Variants in BBX observed in about 807,000 individuals in gnomAD.
BBX encodes BBX high mobility group box domain containing.
BBX carries 30 observed loss-of-function variants against 100.2 expected under a neutral mutation model. That is an observed-to-expected ratio of 0.30 (90% CI 0.22 to 0.41). The LOEUF is 0.41. Among genes scored for constraint, BBX ranks in the 10% least tolerant of loss-of-function variants. The pLI is 1.00. For synonymous variants in BBX, 376 were observed against 388.1 expected (o/e 0.97, Z 0.37); for missense variants, 1,023 against 1,129.8 (o/e 0.91, Z 1.35).
chr3:107,630,976 C>A (rs987125456), intron 2 of BBX, among the ~76,000 whole-genome samples: 1 of 152,182 alleles, frequency 6.6e-6, no homozygotes, highest in Non-Finnish European at 1.5e-5. Flanking sequence ...TTGAGGAGGA[C>A]CCTGGGTGAC....
intron 9 of BBX, among the ~76,000 whole-genome samples, chr3:107,749,951 A>G (rs964687600): frequency 6.6e-6 from 1 of 151,990 alleles, no homozygotes; most frequent in Non-Finnish European, 1.5e-5. Flanking sequence ...TTATTTTAGC[A>G]CCACTATCAT....
Position 107,786,095 on chromosome 3 carries a change from G to A in BBX, c.2204-3692G>A, listed in dbSNP as rs143499010. Among the ~76,000 whole-genome samples the A allele has an allele frequency of 3.9e-3, 593 of 152,126 alleles. 3 individuals carry two copies. Among genetic ancestry groups the A allele is most frequent in the Admixed American group, 9.9e-3 (152 of 15,282 alleles). On this transcript the variant is annotated intron_variant, in intron 13 of 17. Coordinates refer to ENST00000325805, the MANE Select transcript of BBX (RefSeq NM_001142568.3). The stretch of plus-strand genomic sequence containing the variant: ...TCCATTTACAATAGCATCAAAAAGA[G>A]TAAAGTACTTAGAAATAAGTTTAAC...
chr3:107,781,674 TG>T (rs1412525651), intron 13 of BBX, among the ~76,000 whole-genome samples: 3 of 152,088 alleles, frequency 2.0e-5, no homozygotes, highest in Admixed American at 6.6e-5. Context: ...AATTTTTCAG[TG>T]GAAGTAGGAT....
At chr3:107,703,228 A>T (rs2061191278) in intron 3 of BBX, among the ~76,000 whole-genome samples, 1 of 152,208 alleles carries the variant, frequency 6.6e-6, no homozygotes. Context: ...TTTGATTAAG[A>T]ATGTAAACAC....
At chr3:107,673,826 A>G (rs1475545290) in intron 3 of BBX, among the ~76,000 whole-genome samples, 1 of 152,168 alleles carries the variant, frequency 6.6e-6, no homozygotes. Context: ...TTAGAAATAC[A>G]TTTCTTCATG....
chr3:107,527,333 A>G (rs1204054943), intron 2 of BBX, among the ~76,000 whole-genome samples: 1 of 152,226 alleles, frequency 6.6e-6, no homozygotes, highest in African/African-American at 2.4e-5. Flanking sequence ...GTGAATTTAG[A>G]GATTGTATTT....
chr3:107,799,454 A>G lies in BBX; in HGVS notation c.2551+734A>G, dbSNP rs918828643. Among the ~76,000 whole-genome samples, 3 of 152,310 alleles carry G rather than the reference A, an allele frequency of 2.0e-5. No individual in the cohort carries two copies. The East Asian group carries it at 5.8e-4, about 29-fold the overall frequency. ...GCTAGTTTTCCAAGAGCATATCTGA[A>G]TTCCTAGAAAAGAAAGGTAGTTTTT... is the stretch of plus-strand genomic sequence containing the variant. On this transcript the variant is annotated intron_variant, in intron 16 of 17. Coordinates refer to ENST00000325805, the MANE Select transcript of BBX (RefSeq NM_001142568.3).
intron 6 of BBX, among the ~76,000 whole-genome samples, 168 bp downstream of exon 6, chr3:107,729,128 G>T (rs1287287421): frequency 2.6e-5 from 4 of 152,030 alleles, no homozygotes; most frequent in African/African-American, 9.7e-5. Flanking sequence ...ATAGAATACA[G>T]GTAATTTAAA....
At chr3:107,581,976 T>C (rs1042586683) in intron 2 of BBX, among the ~76,000 whole-genome samples, 1 of 152,140 alleles carries the variant, frequency 6.6e-6, no homozygotes, top group African/African-American at 2.4e-5. Context: ...CTTTAGTATA[T>C]AATGTGTATA....
At chr3:107,733,758 G>GT (rs1462997946) in intron 7 of BBX, among the ~76,000 whole-genome samples, 1 of 152,180 alleles carries the variant, frequency 6.6e-6, no homozygotes, top group Non-Finnish European at 1.5e-5. Context: ...GTGAGCCACT[G>GT]TGCTCAGCCT....
At chr3:107,584,193 GATATATATATTATTATATATATTATATA>G (rs1559840927) in intron 2 of BBX, among the ~76,000 whole-genome samples, 7,093 of 26,216 alleles carry the variant, frequency 0.27, 912 homozygotes, top group Middle Eastern at 0.35. Flanking sequence ...TATAATATAT[GATATATATATTATTATATATATTATATA>G]TAATATGTAT....
chr3:107,565,483 A>ATTTC (rs79728272), intron 2 of BBX, among the ~76,000 whole-genome samples: 1 of 148,504 alleles, frequency 6.7e-6, no homozygotes, highest in Admixed American at 6.7e-5. Context: ...TTATTTATGT[A>ATTTC]TGTTTGAGAC....
At chr3:107,573,852 G>A (rs112921581) in intron 2 of BBX, among the ~76,000 whole-genome samples, 2,936 of 152,080 alleles carry the variant, frequency 0.019, 105 homozygotes, top group African/African-American at 0.066. Flanking sequence ...TCAGCCTCCC[G>A]AGTAGCTGGG....
chr3:107,809,222 G>C lies in BBX; in HGVS notation c.*3765G>C, dbSNP rs1166928106. ...TTTTGTTTATAAGGTGGGGAGGGGAGGGAAAATACCAAAAAACTCTGTTCC... is the reference window on the plus strand; with the variant it reads ...TTTTGTTTATAAGGTGGGGAGGGGACGGAAAATACCAAAAAACTCTGTTCC... On this transcript the variant is annotated 3_prime_UTR_variant, in exon 18 of 18. Transcript: ENST00000325805. 6.6e-6 allele frequency: 1 copy of C among 152,176 alleles called. No homozygotes were observed. The highest frequency in any genetic ancestry group is 1.5e-5 in the Non-Finnish European group (1 of 68,040). The allele number at this position is 152,176 out of a possible 1,614,324, so 9.4% of individuals were successfully genotyped here.
At chr3:107,768,208 C>T (rs182030653) in intron 10 of BBX, among the ~76,000 whole-genome samples, 1 of 152,262 alleles carries the variant, frequency 6.6e-6, no homozygotes, top group African/African-American at 2.4e-5. Flanking sequence ...TTCCGTTTCC[C>T]TAATTAGACC....
At chr3:107,721,273 T>G (rs1215783116) in intron 5 of BBX, among the ~76,000 whole-genome samples, 1 of 152,100 alleles carries the variant, frequency 6.6e-6, no homozygotes, top group Non-Finnish European at 1.5e-5. Flanking sequence ...TTTGTGAGAC[T>G]TTTGTGAATA....
chr3:107,582,179 T>C (rs1484329982), intron 2 of BBX, among the ~76,000 whole-genome samples: 1 of 152,018 alleles, frequency 6.6e-6, no homozygotes, highest in African/African-American at 2.4e-5. Context: ...AAGTACTTTC[T>C]ATAGGTAGCA....
chr3:107,713,603 A>G (rs909137900), intron 4 of BBX, among the ~76,000 whole-genome samples: 45 of 152,358 alleles, frequency 3.0e-4, no homozygotes, highest in African/African-American at 1.0e-3. Flanking sequence ...TTAAATAGCA[A>G]TTAAAACATT....
intron 2 of BBX, among the ~76,000 whole-genome samples, chr3:107,623,975 C>T (rs1054403234): frequency 3.3e-5 from 5 of 152,118 alleles, no homozygotes; most frequent in Non-Finnish European, 7.4e-5. Flanking sequence ...TCAAATGTGG[C>T]AGAATTCCAA....
Sources: allele counts gnomAD v4.1 joint callset (sites outside exome capture counted in the v4.1 genomes callset), GRCh38; gene constraint gnomAD v4.1.1; transcripts MANE v1.5; gene names NCBI Gene and HGNC (gene_info 2026-07-23, HGNC 2026-07-21).